FTO: variants seen among roughly 807,000 people sequenced by gnomAD.
FTO encodes FTO alpha-ketoglutarate dependent dioxygenase.
In FTO, 47 loss-of-function variants were observed where a neutral mutation model predicts 63.9. The ratio of observed to expected loss-of-function variants is 0.74; its 90% confidence interval spans 0.58 to 0.94. FTO has a LOEUF of 0.94. Among genes scored for constraint, FTO ranks in the 40% least tolerant of loss-of-function variants. FTO has a pLI of 0.00. For synonymous variants in FTO, 207 were observed against 224.4 expected, an observed-to-expected ratio of 0.92 and a Z score of 0.69; for missense variants, 562 against 618.1, an observed-to-expected ratio of 0.91 and a Z score of 0.96.
At chr16:53,964,987 A>G (rs1048721725) in intron 8 of FTO, among the ~76,000 whole-genome samples, 4 of 152,244 alleles carry the variant, frequency 2.6e-5, no homozygotes, top group African/African-American at 4.8e-5. Context: ...CTGAAAACAA[A>G]CAACAATCAG....
In FTO at chr16:54,057,020, A is replaced by G. The variant is rs566956807; in HGVS notation, c.1365-54742A>G. ...CAAATAAAGCAAGGTCCCTGCCTTC[A>G]AAGAACTCACAGTCTAGGAGAGTGA... On this transcript the variant is annotated intron_variant, in intron 8 of 8. Transcript: ENST00000471389. Among the ~76,000 whole-genome samples, 27 of 152,304 alleles carry G rather than the reference A, an allele frequency of 1.8e-4. 1 individual carries two copies. The South Asian group carries it at 5.6e-3, about 32-fold the overall frequency.
intron 8 of FTO, among the ~76,000 whole-genome samples, chr16:53,989,092 G>A (rs1486543522): frequency 6.6e-6 from 1 of 152,160 alleles, no homozygotes; most frequent in African/African-American, 2.4e-5. Context: ...AGGATGACAT[G>A]TGCACTAAGC....
chr16:54,010,190 G>A (rs2084304142), intron 8 of FTO, among the ~76,000 whole-genome samples: 2 of 152,116 alleles, frequency 1.3e-5, no homozygotes, highest in South Asian at 4.1e-4. Context: ...AAGGCAGGAG[G>A]ATCACTGGAG....
At chr16:53,906,257 T>C (rs1261541139) in intron 7 of FTO, among the ~76,000 whole-genome samples, 2 of 152,248 alleles carry the variant, frequency 1.3e-5, no homozygotes, top group East Asian at 3.8e-4. Context: ...CATGTGATTC[T>C]AATGTTTCAC....
chr16:54,111,623 T>A, intron 8 of FTO, 139 bp from the exon 9 acceptor site: 1 of 874,910 alleles, frequency 1.1e-6, no homozygotes, highest in Non-Finnish European at 1.9e-6. Flanking sequence ...CACCTGTAGA[T>A]TCATTCAGTC....
intron 7 of FTO, among the ~76,000 whole-genome samples, chr16:53,911,024 C>T (rs1279406021): frequency 6.6e-6 from 1 of 152,204 alleles, no homozygotes; most frequent in Non-Finnish European, 1.5e-5. Flanking sequence ...AGCCGGTATA[C>T]CGAACATCTC....
At chr16:53,757,454 T>C (rs1417961858) in intron 1 of FTO, among the ~76,000 whole-genome samples, 1 of 151,998 alleles carries the variant, frequency 6.6e-6, no homozygotes, top group South Asian at 2.1e-4. Flanking sequence ...CACATAAATA[T>C]CTGAATATAT....
intron 7 of FTO, among the ~76,000 whole-genome samples, chr16:53,899,475 G>A (rs2081350877): frequency 6.6e-6 from 1 of 152,178 alleles, no homozygotes; most frequent in East Asian, 1.9e-4. Context: ...GACAGGTTTT[G>A]GGCACAGGAC....
At chr16:54,106,875 TAA>T (rs1659567200) in intron 8 of FTO, among the ~76,000 whole-genome samples, 1 of 138,996 alleles carries the variant, frequency 7.2e-6, no homozygotes, top group African/African-American at 2.6e-5. Context: ...AATAATATAA[TAA>T]ATATATTATT....
chr16:53,826,522 G>A (rs1476253128), intron 3 of FTO, 31 bp downstream of exon 3: 7 of 1,610,422 alleles, frequency 4.3e-6, no homozygotes, highest in Non-Finnish European at 5.9e-6. Flanking sequence ...AAGCAGCCCT[G>A]TATGTAATAA....
At chr16:54,067,720 T>G (rs1406944559) in intron 8 of FTO, among the ~76,000 whole-genome samples, 1 of 152,210 alleles carries the variant, frequency 6.6e-6, no homozygotes, top group African/African-American at 2.4e-5. Flanking sequence ...GAGGGTTATT[T>G]ACAGATGAAT....
chr16:54,003,151 C>G (rs2084108622), intron 8 of FTO, among the ~76,000 whole-genome samples: 1 of 152,196 alleles, frequency 6.6e-6, no homozygotes. Flanking sequence ...TGCCTTTTAT[C>G]AACTCTGGAT....
At chr16:54,105,309 A>C (rs1419569701) in intron 8 of FTO, among the ~76,000 whole-genome samples, 6 of 152,200 alleles carry the variant, frequency 3.9e-5, no homozygotes, top group Non-Finnish European at 8.8e-5. Flanking sequence ...GGAGGTAAAA[A>C]CAACATTTGC....
chr16:53,822,701 G>GTA (rs143626679), intron 2 of FTO, among the ~76,000 whole-genome samples: 36 of 151,062 alleles, frequency 2.4e-4, no homozygotes, highest in Middle Eastern at 3.4e-3. Context: ...ATGTGTGTGT[G>GTA]TATATATATA....
chr16:53,744,754 C>G (rs973125776), intron 1 of FTO, among the ~76,000 whole-genome samples: 7 of 152,246 alleles, frequency 4.6e-5, no homozygotes, highest in African/African-American at 1.7e-4. Context: ...GACACCTAGA[C>G]AAGATGGAAA....
chr16:54,076,907 A>T (rs1289492263), intron 8 of FTO, among the ~76,000 whole-genome samples: 1 of 152,180 alleles, frequency 6.6e-6, no homozygotes, highest in Admixed American at 6.5e-5. Context: ...AGGCATAACC[A>T]CCACTCTTTT....
intron 1 of FTO, among the ~76,000 whole-genome samples, chr16:53,728,237 T>A (rs1418280118): frequency 6.6e-6 from 1 of 151,898 alleles, no homozygotes; most frequent in East Asian, 1.9e-4. Flanking sequence ...AGACCCTGTC[T>A]CTTAAAAAAA....
At position 53,825,866 on chromosome 16, in the gene FTO, G is replaced by A. The variant is rs768675500; in HGVS notation, c.126G>A (p.Trp42Ter). Residue 42 changes from tryptophan to a stop codon, truncating the protein, a stop_gained and splice_region_variant, in exon 3 of 9, where the codon TGG (tryptophan) becomes TGA (stop). Transcript: ENST00000471389. LOFTEE classifies it high-confidence loss of function. ...TPKDDEFYQQ[W>*]QLKYPKLILR... ...TTTTTGCTTTGGTTTTGTTTTAGTG[G>A]CAGCTGAAATATCCTAAACTAATTC... The A allele has an allele frequency of 1.2e-6, 2 of 1,613,316 alleles. No individual in the cohort carries two copies. The highest frequency in any genetic ancestry group is 1.7e-6 in the Non-Finnish European group (2 of 1,180,018).
At chr16:53,887,185 A>T (rs2151903828) in intron 6 of FTO, among the ~76,000 whole-genome samples, 1 of 152,350 alleles carries the variant, frequency 6.6e-6, no homozygotes, top group South Asian at 2.1e-4. Flanking sequence ...AGTTGATGTC[A>T]TCAGGATGTG....
Sources: allele counts gnomAD v4.1 joint callset (sites outside exome capture counted in the v4.1 genomes callset), GRCh38; gene constraint gnomAD v4.1.1; transcripts MANE v1.5; gene names NCBI Gene and HGNC (gene_info 2026-07-23, HGNC 2026-07-21).